The following YIPF1 variants were observed in gnomAD, a reference collection of about 807,000 sequenced individuals.
The protein encoded by YIPF1 is protein YIPF1.
Under a neutral mutation model 37.0 loss-of-function variants are expected in YIPF1, and 22 were observed. That is an observed-to-expected ratio of 0.59 (90% CI 0.42 to 0.85). The LOEUF (loss-of-function observed/expected upper bound fraction) is 0.85, where lower values mean the gene tolerates loss of function less well. Ranked by LOEUF, YIPF1 falls within the 40% of genes least tolerant of loss-of-function variation. The pLI, the probability that YIPF1 is intolerant of heterozygous loss-of-function variation, is 0.00. For synonymous variants in YIPF1, 128 were observed against 131.9 expected (o/e 0.97, Z 0.21); for missense variants, 355 against 373.1 (o/e 0.95, Z 0.40).
At chr1:53,855,045 G>A (rs892396980) in intron 10 of YIPF1, 1 of 151,650 alleles carries the variant, frequency 6.6e-6, no homozygotes, top group Admixed American at 6.6e-5. Context: ...GGTATCTCAA[G>A]TGAGTCCTGA....
chr1:53,867,818 T>A (rs1350359213), intron 7 of YIPF1, among the ~76,000 whole-genome samples: 1 of 152,204 alleles, frequency 6.6e-6, no homozygotes, highest in Admixed American at 6.5e-5. Context: ...CTTCCTTAAA[T>A]AAATAATTCC....
intron 10 of YIPF1, among the ~76,000 whole-genome samples, chr1:53,856,482 C>T (rs1351976343): frequency 1.3e-5 from 2 of 152,144 alleles, no homozygotes; most frequent in African/African-American, 4.8e-5. Context: ...CGAATTGTCT[C>T]GTTCTCAGTG....
intron 6 of YIPF1, among the ~76,000 whole-genome samples, chr1:53,874,324 A>G (rs1650277699): frequency 6.6e-6 from 1 of 151,930 alleles, no homozygotes; most frequent in Non-Finnish European, 1.5e-5. Context: ...TACTCTTATT[A>G]TGGGTTGGGG....
Position 53,883,286 on chromosome 1 carries a change from A to G in YIPF1, c.32-10T>C, listed in dbSNP as rs749510931. 2 of 1,547,940 alleles carry G rather than the reference A, an allele frequency of 1.3e-6. No homozygotes were observed. The highest frequency in any genetic ancestry group is 1.2e-5 in the South Asian group (1 of 80,060). ...GCTGCATTGCCAAATTCTGAAATCAATTAGAGCACACGGGCCTCAGAAACC... is the reference window on the plus strand; with the variant it reads ...GCTGCATTGCCAAATTCTGAAATCAGTTAGAGCACACGGGCCTCAGAAACC... On this transcript the variant is annotated splice_polypyrimidine_tract_variant and intron_variant, in intron 3 of 10. Coordinates refer to ENST00000072644, the MANE Select transcript of YIPF1 (RefSeq NM_018982.5).
rs1217839040 is a variant in YIPF1 at position 53,878,351 on chromosome 1, C to A, written c.328G>T (p.Val110Leu). The A allele has an allele frequency of 1.2e-6, 2 of 1,613,974 alleles. No homozygotes were observed. The highest frequency in any genetic ancestry group is 2.7e-5 in the African/African-American group (2 of 74,908). ...GGATTGCTGCGGATATATAACCTCA[C>A]AAAGTTTTTCCCGGGTATTGGCAAA... ...SLLPIPGKNFVRLYIRSNPDL... is the reference protein window; with the variant it reads ...SLLPIPGKNFLRLYIRSNPDL... The change falls in exon 6 of 11, where the codon GTG (valine) becomes TTG (leucine). Residue 110 changes from valine to leucine, a missense_variant. Transcript: ENST00000072644.
intron 7 of YIPF1, among the ~76,000 whole-genome samples, chr1:53,868,053 C>G (rs1467370236): frequency 6.6e-6 from 1 of 152,158 alleles, no homozygotes; most frequent in Non-Finnish European, 1.5e-5. Flanking sequence ...ACAAAGACAC[C>G]CCTAACAATT....
intron 9 of YIPF1, among the ~76,000 whole-genome samples, chr1:53,863,278 G>A (rs894388822): frequency 6.6e-6 from 1 of 152,210 alleles, no homozygotes; most frequent in Non-Finnish European, 1.5e-5. Flanking sequence ...ACAAGGAAGG[G>A]CATTGTCATT....
chr1:53,861,614 G>A (rs972466066), intron 9 of YIPF1, among the ~76,000 whole-genome samples: 4 of 143,418 alleles, frequency 2.8e-5, no homozygotes, highest in African/African-American at 1.0e-4. Context: ...GAAAGAGAGT[G>A]AGAAGGAGAG....
At chr1:53,867,367 C>CTTTTTTTTTT (rs57424528) in intron 7 of YIPF1, among the ~76,000 whole-genome samples, 1 of 111,582 alleles carries the variant, frequency 9.0e-6, no homozygotes, top group African/African-American at 3.5e-5. Context: ...CACTGACTTC[C>CTTTTTTTTTT]TTTTTTTTTT....
chr1:53,887,440 G>C (rs1650685997), intron 3 of YIPF1, among the ~76,000 whole-genome samples: 1 of 151,892 alleles, frequency 6.6e-6, no homozygotes, highest in Admixed American at 6.6e-5. Context: ...GACATGATCT[G>C]CTTGAGTTTT....
At chr1:53,884,079 C>T (rs1169859044) in intron 3 of YIPF1, among the ~76,000 whole-genome samples, 1 of 150,596 alleles carries the variant, frequency 6.6e-6, no homozygotes, top group Non-Finnish European at 1.5e-5. Flanking sequence ...AGGATAAAAA[C>T]CACTCTTAGG....
In YIPF1 at chr1:53,883,121, T is replaced by C; in HGVS notation, c.187A>G (p.Lys63Glu). Residue 63 changes from lysine to glutamate, a missense_variant, in exon 4 of 11, where the codon AAA (lysine) becomes GAA (glutamate). Physicochemically the swap from Lys to Glu is moderately conservative, Grantham distance 56 (BLOSUM62 1). Transcript: ENST00000072644. The part of the protein sequence containing the change: ...DELLGNDDSD[K>E]TELLAGQKKS... Reference sequence around the variant, plus strand: ...CAAAGACAAGTTCAAACCTCAGTTTTGTCAGAGTCATCATTTCCCAGTAAC... The same window carrying C: ...CAAAGACAAGTTCAAACCTCAGTTTCGTCAGAGTCATCATTTCCCAGTAAC... The C allele has an allele frequency of 6.4e-7, 1 of 1,573,634 alleles. No individual in the cohort carries two copies. Among genetic ancestry groups the C allele is most frequent in the Non-Finnish European group, 8.6e-7 (1 of 1,166,534 alleles).
Position 53,883,135 on chromosome 1 carries a change from T to C in YIPF1, c.173A>G (p.Asn58Ser), listed in dbSNP as rs1416865812. Residue 58 changes from asparagine (N) to serine (S), a missense_variant, in exon 4 of 11, where the codon AAT becomes AGT. Coordinates refer to ENST00000072644, the MANE Select transcript of YIPF1 (RefSeq NM_018982.5). ...GREEDDELLG[N>S]DDSDKTELLA... ...AACCTCAGTTTTGTCAGAGTCATCA[T>C]TTCCCAGTAACTCATCATCTTCTTC... is the stretch of plus-strand genomic sequence containing the variant. The C allele has an allele frequency of 6.3e-7, 1 of 1,581,324 alleles. No individual in the cohort carries two copies. Among genetic ancestry groups the C allele is most frequent in the East Asian group, 2.3e-5 (1 of 43,350 alleles).
chr1:53,879,963 C>A (rs914069643), intron 4 of YIPF1, among the ~76,000 whole-genome samples: 2 of 152,148 alleles, frequency 1.3e-5, no homozygotes, highest in Non-Finnish European at 2.9e-5. Flanking sequence ...GGAAAGCATT[C>A]CCCTTGAAAA....
chr1:53,866,432 C>T, intron 8 of YIPF1, 50 bp from the exon 9 acceptor site: 2 of 1,580,906 alleles, frequency 1.3e-6, no homozygotes, highest in Non-Finnish European at 1.7e-6. Flanking sequence ...GGCATTTGTT[C>T]ATTCCAGGCA....
intron 6 of YIPF1, among the ~76,000 whole-genome samples, chr1:53,874,406 T>C (rs1383174694): frequency 2.0e-5 from 3 of 152,352 alleles, no homozygotes; most frequent in Non-Finnish European, 2.9e-5. Context: ...TATTATGAAA[T>C]ATTTCTAACA....
At chr1:53,888,449 T>C (rs936408451) in intron 3 of YIPF1, among the ~76,000 whole-genome samples, 1 of 152,176 alleles carries the variant, frequency 6.6e-6, no homozygotes, top group African/African-American at 2.4e-5. Context: ...ACTAGAACAA[T>C]TGCCCGGTTC....
intron 4 of YIPF1, among the ~76,000 whole-genome samples, chr1:53,881,559 A>G (rs1042362810): frequency 6.6e-6 from 1 of 152,214 alleles, no homozygotes; most frequent in Non-Finnish European, 1.5e-5. Flanking sequence ...GGCAAGGGAC[A>G]TGAACAGACA....
rs1314447986 is a variant in YIPF1, at chr1:53,879,237, C to T, written c.196-515G>A. Among the ~76,000 whole-genome samples, 6 of 151,840 alleles carry T rather than the reference C, an allele frequency of 4.0e-5. No homozygotes were observed. The South Asian group carries it at 8.3e-4, about 21-fold the overall frequency. ...AGCTTCCCAAGCAGCTGGGACTACA[C>T]GCGTACACCACTATGCCCAGCTAAT... On this transcript the variant is annotated intron_variant, in intron 4 of 10. Transcript: ENST00000072644.
Sources: gnomAD v4.1 joint callset for allele counts (sites outside exome capture counted in the v4.1 genomes callset) on GRCh38, gnomAD v4.1.1 for gene constraint, MANE v1.5 for transcripts, NCBI Gene and HGNC (gene_info 2026-07-23, HGNC 2026-07-21) for gene names.